The following AHNAK variants were observed in gnomAD, a reference collection of about 807,000 sequenced individuals.
The protein encoded by AHNAK is neuroblast differentiation-associated protein AHNAK.
AHNAK carries 23 observed loss-of-function variants against 37.8 expected under a neutral mutation model. The observed-to-expected ratio is 0.61, with a 90% CI of 0.44 to 0.86. The LOEUF (loss-of-function observed/expected upper bound fraction) is 0.86, where lower values mean the gene tolerates loss of function less well. AHNAK is among the 40% of genes least tolerant of loss of function. AHNAK has a pLI of 0.00. For missense variants in AHNAK, 7,411 were observed against 7,319.4 expected (o/e 1.01, Z -0.46); for synonymous variants, 2,481 against 2,636.3 (o/e 0.94, Z 1.80).
intron 5 of AHNAK, among the ~76,000 whole-genome samples, chr11:62,485,476 G>T (rs1939371641): frequency 6.6e-6 from 1 of 151,974 alleles, no homozygotes; most frequent in Admixed American, 6.6e-5. Context: ...TCCGAGGCGG[G>T]CGGATCACAA....
At chr11:62,483,891 G>T (rs1318396010) in intron 5 of AHNAK, among the ~76,000 whole-genome samples, 9 of 149,666 alleles carry the variant, frequency 6.0e-5, no homozygotes, top group Non-Finnish European at 1.2e-4. Flanking sequence ...CAAAAAATTA[G>T]CCAGGCGCGG....
chr11:62,472,333 C>A (rs1766817635), intron 5 of AHNAK, among the ~76,000 whole-genome samples: 1 of 152,114 alleles, frequency 6.6e-6, no homozygotes, highest in African/African-American at 2.4e-5. Flanking sequence ...TTTATCAGCT[C>A]CTTGCCTTCC....
At chr11:62,479,167 C>CTTTTTTTTTTTTTTTTTTTTTTTTTTTT (rs33929407) in intron 5 of AHNAK, among the ~76,000 whole-genome samples, 15 of 116,246 alleles carry the variant, frequency 1.3e-4, no homozygotes, top group South Asian at 2.7e-4. Flanking sequence ...TTTCTTTTTT[C>CTTTTTTTTTTTTTTTTTTTTTTTTTTTT]TTTTTTTTTT....
intron 5 of AHNAK, among the ~76,000 whole-genome samples, chr11:62,490,170 G>A (rs12270610): frequency 1.3e-5 from 2 of 151,110 alleles, no homozygotes; most frequent in East Asian, 1.9e-4. Context: ...GTTCGGGCTT[G>A]AGGGAGGCTT....
At chr11:62,505,065 A>C (rs1455026122) in intron 4 of AHNAK, among the ~76,000 whole-genome samples, 1 of 152,154 alleles carries the variant, frequency 6.6e-6, no homozygotes, top group Non-Finnish European at 1.5e-5. Flanking sequence ...AGTCTGGATA[A>C]AGGGGAAAGC....
intron 5 of AHNAK, among the ~76,000 whole-genome samples, chr11:62,476,447 G>A (rs1260695381): frequency 4.6e-5 from 7 of 152,198 alleles, no homozygotes; most frequent in South Asian, 2.1e-4. Flanking sequence ...GCGTCGTGGC[G>A]CCAGCCATTA....
Position 62,527,101 on chromosome 11 carries a change from G to A in AHNAK, c.7316C>T (p.Pro2439Leu), listed in dbSNP as rs11824660. The stretch of plus-strand genomic sequence containing the variant: ...ATGCATATCAGGCATCTTGAACTTA[G>A]GGCCTTTCAATTTGCCCTCTGGTCC... Reference protein sequence around the residue: ...IEGPEGKLKGPKFKMPDMHFK... With the variant: ...IEGPEGKLKGLKFKMPDMHFK... The change falls in exon 5 of 5, where the codon CCT becomes CTT. Residue 2439 changes from proline to leucine, a missense_variant. Transcript: ENST00000378024. 6.5e-3 allele frequency: 10,517 copies of A among 1,614,078 alleles called. 599 individuals carry two copies. In the African/African-American group the frequency reaches 0.12, roughly 19 times the overall value.
At chr11:62,494,786 G>A (rs1368428370) in intron 4 of AHNAK, among the ~76,000 whole-genome samples, 1 of 151,956 alleles carries the variant, frequency 6.6e-6, no homozygotes, top group African/African-American at 2.4e-5. Context: ...CAAAGCAGGT[G>A]GATCACCTGA....
Position 62,535,949 on chromosome 11 carries a change from C to T in AHNAK, c.150G>A (p.Lys50=), listed in dbSNP as rs1206503006. The change falls in exon 3 of 5, where the codon AAG becomes AAA. Residue 50 remains lysine (K), a synonymous_variant. Coordinates refer to ENST00000378024, the MANE Select transcript of AHNAK (RefSeq NM_001620.3). ...NSPAARTGVV[K]EGDQIVGATI... is the part of the protein sequence containing the mutation. ...CCACACCCTGGGGTGACTCACCCTC[C>T]TTGACCACCCCAGTGCGGGCCGCAG... is the stretch of plus-strand genomic sequence containing the variant. 3.1e-6 allele frequency: 5 copies of T among 1,610,316 alleles called. No homozygotes were observed. Among genetic ancestry groups the T allele is most frequent in the Non-Finnish European group, 4.2e-6 (5 of 1,179,100 alleles).
chr11:62,450,552 C>T (rs770855752), intron 5 of AHNAK, among the ~76,000 whole-genome samples: 2 of 152,108 alleles, frequency 1.3e-5, no homozygotes, highest in Non-Finnish European at 2.9e-5. Context: ...AGCTCCCTGC[C>T]CCCAGACATA....
At chr11:62,539,196 C>T (rs1286861939) in intron 1 of AHNAK, among the ~76,000 whole-genome samples, 4 of 152,246 alleles carry the variant, frequency 2.6e-5, no homozygotes, top group Admixed American at 1.3e-4. Context: ...CATTCTCTCC[C>T]ACTGTCCAGT....
chr11:62,533,168 C>T lies in AHNAK; in HGVS notation c.1249G>A (p.Ala417Thr). ...SITGPSVEVQAPDIDVQGPGS... is the reference protein window; with the variant it reads ...SITGPSVEVQTPDIDVQGPGS... ...GGCCCCTGAACATCAATGTCAGGGG[C>T]CTGAACTTCCACACTGGGGCCAGTG... The change falls in exon 5 of 5, where the codon GCC becomes ACC. Residue 417 changes from alanine (A) to threonine (T), a missense_variant. Physicochemically the swap from Ala to Thr is moderately conservative, Grantham distance 58. Transcript: ENST00000378024. 6.5e-7 allele frequency: 1 copy of T among 1,534,822 alleles called. No homozygotes were observed. Among genetic ancestry groups the T allele is most frequent in the Non-Finnish European group, 8.7e-7 (1 of 1,147,022 alleles).
intron 1 of AHNAK, among the ~76,000 whole-genome samples, chr11:62,543,319 A>G (rs1273105826): frequency 6.6e-6 from 1 of 152,172 alleles, no homozygotes; most frequent in African/African-American, 2.4e-5. Context: ...TGCCACTGCC[A>G]TCCTCTGCCT....
chr11:62,487,415 A>G (rs937716719), intron 5 of AHNAK, among the ~76,000 whole-genome samples: 3 of 152,268 alleles, frequency 2.0e-5, no homozygotes, highest in African/African-American at 7.2e-5. Flanking sequence ...GGACAGTATG[A>G]CATCCAACAC....
In AHNAK at chr11:62,525,183, T is replaced by A. The variant is rs1379427971; in HGVS notation, c.9234A>T (p.Lys3078Asn). The change falls in exon 5 of 5, where the codon AAA becomes AAT. Residue 3078 changes from lysine to asparagine, a missense_variant. Physicochemically the swap from Lys to Asn is moderately conservative, Grantham distance 94. Coordinates refer to ENST00000378024, the MANE Select transcript of AHNAK (RefSeq NM_001620.3). ...TGATGTTCATCTCAGGCATTTTGAA[T>A]TTGGGACCTTTCAACTTTCCCTCTG... ...EGPEGKLKGP[K>N]FKMPEMNIKA... The A allele has an allele frequency of 3.1e-6, 5 of 1,605,400 alleles. No individual in the cohort carries two copies. Among genetic ancestry groups the A allele is most frequent in the Non-Finnish European group, 4.2e-6 (5 of 1,177,152 alleles).
intron 5 of AHNAK, among the ~76,000 whole-genome samples, chr11:62,460,793 A>G (rs1278884994): frequency 6.6e-6 from 1 of 151,988 alleles, no homozygotes; most frequent in African/African-American, 2.4e-5. Flanking sequence ...GGTGGCTGTC[A>G]TGTGGTAGAG....
downstream of AHNAK, chr11:62,515,837 C>T: frequency 9.4e-7 from 1 of 1,060,372 alleles, no homozygotes; most frequent in Non-Finnish European, 1.1e-6. Context: ...TGAACACTCA[C>T]AGCTGGCTGT....
intron 5 of AHNAK, among the ~76,000 whole-genome samples, chr11:62,443,025 G>A (rs61895391): frequency 0.025 from 3,820 of 151,390 alleles, 70 homozygotes; most frequent in Non-Finnish European, 0.04. Context: ...AGGCTGGAGT[G>A]CGGTGGCGTG....
chr11:62,441,976 A>T (rs1221891850), intron 5 of AHNAK, among the ~76,000 whole-genome samples: 2 of 152,106 alleles, frequency 1.3e-5, no homozygotes, highest in East Asian at 3.9e-4. Flanking sequence ...TGGGGTCACA[A>T]GTCGGCGCAA....
Sources: gnomAD v4.1 joint callset for allele counts (sites outside exome capture counted in the v4.1 genomes callset) on GRCh38, gnomAD v4.1.1 for gene constraint, MANE v1.5 for transcripts, NCBI Gene and HGNC (gene_info 2026-07-23, HGNC 2026-07-21) for gene names.